The following TBC1D5 variants were observed in gnomAD, a reference collection of about 807,000 sequenced individuals.
TBC1D5 encodes TBC1 domain family member 5.
A neutral mutation model predicts 100.3 loss-of-function variants in TBC1D5; 75 were observed. The observed-to-expected ratio is 0.75, with a 90% CI of 0.62 to 0.91. TBC1D5 has a LOEUF of 0.91. Among genes scored for constraint, TBC1D5 ranks in the 40% least tolerant of loss-of-function variants. TBC1D5 has a pLI of 0.00. For missense variants in TBC1D5, 910 were observed against 942.4 expected, an observed-to-expected ratio of 0.97 and a Z score of 0.45; for synonymous variants, 323 against 325.6, an observed-to-expected ratio of 0.99 and a Z score of 0.09.
chr3:17,658,720 A>G (rs2066347592), intron 1 of TBC1D5, among the ~76,000 whole-genome samples: 1 of 152,136 alleles, frequency 6.6e-6, no homozygotes, highest in Non-Finnish European at 1.5e-5. Context: ...GCAGTGGCAC[A>G]ATCTCAGCTC....
exon 3 of TBC1D5, chr3:17,508,481 C>T (rs2095867212): frequency 6.2e-7 from 1 of 1,613,104 alleles, no homozygotes; most frequent in Non-Finnish European, 8.5e-7. Context: ...CACCTCCAGA[C>T]TTGTTAGAGT....
At position 17,643,017 on chromosome 3, in the gene TBC1D5, C is replaced by T. The variant is rs560714179; in HGVS notation, c.-100-19104G>A. Among the ~76,000 whole-genome samples, 85 of 152,152 alleles carry T rather than the reference C, an allele frequency of 5.6e-4. 1 individual carries two copies. In the South Asian group the frequency reaches 0.017, roughly 30 times the overall value. On this transcript the variant is annotated intron_variant, in intron 1 of 21. Coordinates refer to ENST00000253692, the Ensembl canonical transcript of TBC1D5. ...ACTATTAACTAAACTGTGGGTCTTA[C>T]TCAAATTTCGTCAGTTACGCCACTA...
At position 17,524,154 on chromosome 3, in the gene TBC1D5, A is replaced by T. The variant is rs76747425; in HGVS notation, c.-35-15549T>A. On this transcript the variant is annotated intron_variant, in intron 2 of 21. Transcript: ENST00000253692. ...CAGTGCACGGAACGGAATTTTATACATATACACAGCCAATAACATAAAATA... is the reference window on the plus strand; with the variant it reads ...CAGTGCACGGAACGGAATTTTATACTTATACACAGCCAATAACATAAAATA... Among the ~76,000 whole-genome samples the T allele has an allele frequency of 3.5e-3, 528 of 152,330 alleles. 3 individuals carry two copies. The highest frequency in any genetic ancestry group is 0.012 in the African/African-American group (513 of 41,576).
At chr3:17,180,702 C>T (rs185760313) in intron 19 of TBC1D5, among the ~76,000 whole-genome samples, 96 of 152,080 alleles carry the variant, frequency 6.3e-4, no homozygotes, top group African/African-American at 1.9e-3. Flanking sequence ...TTCTCACTTA[C>T]AAGTGGGAGC....
At chr3:17,166,662 T>C in intron 21 of TBC1D5, 105 bp downstream of exon 22, 1 of 1,455,694 alleles carries the variant, frequency 6.9e-7, no homozygotes, top group Non-Finnish European at 9.3e-7. Flanking sequence ...ACTTCATACA[T>C]GGTAATTTGA....
chr3:17,685,117 T>A (rs959980166), intron 1 of TBC1D5, among the ~76,000 whole-genome samples: 2 of 152,000 alleles, frequency 1.3e-5, no homozygotes, highest in African/African-American at 4.8e-5. Context: ...AGTATGCACA[T>A]AATACACAAA....
intron 16 of TBC1D5, among the ~76,000 whole-genome samples, chr3:17,238,904 T>A (rs2076091528): frequency 6.6e-6 from 1 of 152,142 alleles, no homozygotes; most frequent in Non-Finnish European, 1.5e-5. Flanking sequence ...GGGTACTAGG[T>A]CAAATTTAAT....
intron 18 of TBC1D5, among the ~76,000 whole-genome samples, chr3:17,195,578 C>G (rs1446085513): frequency 6.6e-6 from 1 of 152,210 alleles, no homozygotes; most frequent in Non-Finnish European, 1.5e-5. Context: ...ATGAAATGTA[C>G]ACACTTGCAC....
intron 13 of TBC1D5, among the ~76,000 whole-genome samples, chr3:17,317,824 C>T (rs283928): frequency 0.39 from 59,944 of 151,860 alleles, 12,525 homozygotes; most frequent in Middle Eastern, 0.5. Flanking sequence ...TGTGGCGATT[C>T]CTCAGGGATC....
intron 2 of TBC1D5, among the ~76,000 whole-genome samples, chr3:17,557,260 T>C (rs1448958546): frequency 6.6e-6 from 1 of 152,218 alleles, no homozygotes; most frequent in Admixed American, 6.5e-5. Context: ...TTTGGCTTTA[T>C]ATGGCCTTTC....
intron 2 of TBC1D5, among the ~76,000 whole-genome samples, chr3:17,535,473 C>T (rs2096272900): frequency 1.3e-5 from 2 of 152,050 alleles, no homozygotes; most frequent in African/African-American, 4.8e-5. Flanking sequence ...TGCCTTGTAC[C>T]TTATGATTTC....
At chr3:17,573,147 C>A (rs1242892103) in intron 2 of TBC1D5, among the ~76,000 whole-genome samples, 2 of 152,062 alleles carry the variant, frequency 1.3e-5, no homozygotes, top group African/African-American at 4.8e-5. Flanking sequence ...CCCTTTCAAA[C>A]CGCTCCTCTT....
At chr3:17,245,840 AT>A (rs774464544) in intron 16 of TBC1D5, among the ~76,000 whole-genome samples, 33 of 152,210 alleles carry the variant, frequency 2.2e-4, no homozygotes, top group Non-Finnish European at 4.4e-4. Flanking sequence ...TATTTGAATT[AT>A]TTTCTCACCT....
chr3:17,262,831 G>A (rs370116241), intron 15 of TBC1D5, among the ~76,000 whole-genome samples: 3 of 151,924 alleles, frequency 2.0e-5, no homozygotes, highest in Non-Finnish European at 1.5e-5. Context: ...TTTTCCTTTC[G>A]AAGAAAGATA....
chr3:17,512,219 T>C (rs2095917711), intron 2 of TBC1D5, among the ~76,000 whole-genome samples: 1 of 152,084 alleles, frequency 6.6e-6, no homozygotes, highest in Non-Finnish European at 1.5e-5. Flanking sequence ...CAAAGCAGAA[T>C]ATCAAAGGTT....
chr3:17,712,735 C>A (rs527308556), intron 1 of TBC1D5, among the ~76,000 whole-genome samples: 1 of 152,226 alleles, frequency 6.6e-6, no homozygotes, highest in East Asian at 1.9e-4. Flanking sequence ...GCATCTAGAA[C>A]AATAACCAGT....
At chr3:17,406,500 T>C in exon 5 of TBC1D5, 2 of 1,611,986 alleles carry the variant, frequency 1.2e-6, no homozygotes, top group Non-Finnish European at 1.7e-6. Context: ...GTAATTGTTG[T>C]TTACAAATAG....
At chr3:17,481,360 A>C (rs1328601537) in intron 3 of TBC1D5, among the ~76,000 whole-genome samples, 1 of 152,208 alleles carries the variant, frequency 6.6e-6, no homozygotes, top group African/African-American at 2.4e-5. Flanking sequence ...CAGCCTGCCA[A>C]GCCAAGTGGA....
chr3:17,543,526 T>C (rs2096380414), intron 2 of TBC1D5, among the ~76,000 whole-genome samples: 1 of 151,994 alleles, frequency 6.6e-6, no homozygotes, highest in Non-Finnish European at 1.5e-5. Context: ...CAGTCCCAGC[T>C]ACTTGGGAGA....
Sources: allele counts gnomAD v4.1 joint callset (sites outside exome capture counted in the v4.1 genomes callset), GRCh38; gene constraint gnomAD v4.1.1; transcripts MANE v1.5; gene names NCBI Gene and HGNC (gene_info 2026-07-23, HGNC 2026-07-21).